Variants in GAP43 observed in about 807,000 individuals in gnomAD.
The protein encoded by GAP43 is neuromodulin.
In GAP43, 6 loss-of-function variants were observed where a neutral mutation model predicts 18.6. That is an observed-to-expected ratio of 0.32 (90% CI 0.18 to 0.64). The LOEUF (loss-of-function observed/expected upper bound fraction) is 0.64. Ranked by LOEUF, GAP43 falls within the 30% of genes least tolerant of loss-of-function variation. GAP43 has a pLI of 0.78. For synonymous variants in GAP43, 115 were observed against 111.4 expected (o/e 1.03, Z -0.20); for missense variants, 292 against 295.5 (o/e 0.99, Z 0.09).
intron 1 of GAP43, among the ~76,000 whole-genome samples, chr3:115,638,917 A>G (rs1246971090): frequency 6.6e-6 from 1 of 152,092 alleles, no homozygotes; most frequent in African/African-American, 2.4e-5. Context: ...AGACTTTATT[A>G]TACGTATTCA....
intron 2 of GAP43, among the ~76,000 whole-genome samples, chr3:115,698,241 A>G (rs1576998708): frequency 4.9e-5 from 1 of 20,394 alleles, no homozygotes; most frequent in South Asian, 1.3e-3. Context: ...TATATAAAAT[A>G]TATATAATAT....
intron 1 of GAP43, among the ~76,000 whole-genome samples, chr3:115,669,785 C>T (rs1708788757): frequency 6.6e-6 from 1 of 151,898 alleles, no homozygotes; most frequent in Non-Finnish European, 1.5e-5. Context: ...CAGCTCTTAT[C>T]TGAAAAGTTA....
chr3:115,683,293 A>G (rs1708988079), intron 2 of GAP43, among the ~76,000 whole-genome samples: 1 of 151,930 alleles, frequency 6.6e-6, no homozygotes, highest in African/African-American at 2.4e-5. Flanking sequence ...TTTCTTAACT[A>G]TTAGATAATG....
At chr3:115,688,186 T>A (rs1709059513) in intron 2 of GAP43, among the ~76,000 whole-genome samples, 1 of 151,934 alleles carries the variant, frequency 6.6e-6, no homozygotes. Context: ...CCAGCTAATT[T>A]TTTGGATTTT....
At chr3:115,625,266 A>G (rs989387769) in intron 1 of GAP43, among the ~76,000 whole-genome samples, 11 of 150,316 alleles carry the variant, frequency 7.3e-5, no homozygotes, top group East Asian at 2.0e-4. Flanking sequence ...TATTTGGGGG[A>G]AAAAGTCGGA....
rs1190799851 is a variant in GAP43, at chr3:115,692,957, C to T, written c.628+16347C>T. ...ATTTAGGATTAACTTCAAAATAGGACCCAATCACAATAGTTGTTCCTATTG... is the reference window on the plus strand; with the variant it reads ...ATTTAGGATTAACTTCAAAATAGGATCCAATCACAATAGTTGTTCCTATTG... On this transcript the variant is annotated intron_variant, in intron 2 of 2. Transcript: ENST00000305124. Among the ~76,000 whole-genome samples, 2 of 152,142 alleles carry T rather than the reference C, an allele frequency of 1.3e-5. 1 individual carries two copies. Among genetic ancestry groups the T allele is most frequent in the Non-Finnish European group, 2.9e-5 (2 of 68,026 alleles).
At chr3:115,663,933 TG>T in intron 1 of GAP43, 1 of 1,551,682 alleles carries the variant, frequency 6.4e-7, no homozygotes, top group Non-Finnish European at 8.7e-7. Flanking sequence ...TTACCTCACA[TG>T]TAACCTATAC....
chr3:115,643,260 T>C (rs2107471463), intron 1 of GAP43, among the ~76,000 whole-genome samples: 1 of 152,244 alleles, frequency 6.6e-6, no homozygotes, highest in Admixed American at 6.5e-5. Flanking sequence ...TCCTCAGTGA[T>C]GGTGGTATCC....
At chr3:115,694,294 C>G (rs1452784245) in intron 2 of GAP43, among the ~76,000 whole-genome samples, 1 of 152,184 alleles carries the variant, frequency 6.6e-6, no homozygotes, top group Non-Finnish European at 1.5e-5. Context: ...GTCTATTGAG[C>G]TTCTATAATT....
At chr3:115,673,025 A>G (rs1002664478) in intron 1 of GAP43, among the ~76,000 whole-genome samples, 3 of 151,816 alleles carry the variant, frequency 2.0e-5, no homozygotes, top group African/African-American at 4.8e-5. Flanking sequence ...CTTGTTTTTC[A>G]TGGTTCTCCC....
At chr3:115,717,130 C>G (rs1709519009) in intron 2 of GAP43, among the ~76,000 whole-genome samples, 1 of 152,006 alleles carries the variant, frequency 6.6e-6, no homozygotes, top group African/African-American at 2.4e-5. Flanking sequence ...GCTGTCCAGT[C>G]ATTCCTTCAC....
chr3:115,667,545 A>G (rs1271741390), intron 1 of GAP43, among the ~76,000 whole-genome samples: 1 of 152,232 alleles, frequency 6.6e-6, no homozygotes, highest in African/African-American at 2.4e-5. Flanking sequence ...TGAGTATCCA[A>G]CAAAAGACAC....
At chr3:115,631,932 A>G (rs1708265197) in intron 1 of GAP43, among the ~76,000 whole-genome samples, 1 of 152,020 alleles carries the variant, frequency 6.6e-6, no homozygotes, top group Non-Finnish European at 1.5e-5. Flanking sequence ...GTAAATATTA[A>G]CCATGCTAAT....
intron 2 of GAP43, among the ~76,000 whole-genome samples, chr3:115,709,733 A>G (rs563092432): frequency 2.6e-5 from 4 of 152,250 alleles, no homozygotes; most frequent in East Asian, 3.9e-4. Context: ...CTAATATGAA[A>G]AAAGGTTATT....
At chr3:115,667,395 G>A (rs544213033) in intron 1 of GAP43, among the ~76,000 whole-genome samples, 5 of 152,188 alleles carry the variant, frequency 3.3e-5, no homozygotes, top group Non-Finnish European at 5.9e-5. Flanking sequence ...TGAACAAAAT[G>A]TCTCAAGTAC....
Position 115,676,125 on chromosome 3 carries a change from G to A in GAP43, c.143G>A (p.Arg48Lys). 1.9e-6 allele frequency: 3 copies of A among 1,614,138 alleles called. No individual in the cohort carries two copies. ...GCTAGCTTCCGTGGACACATAACAA[G>A]GAAAAAGCTCAAAGGAGAGAAGAAG... Reference protein sequence around the residue: ...IQASFRGHITRKKLKGEKKDD... With the variant: ...IQASFRGHITKKKLKGEKKDD... Residue 48 changes from arginine to lysine, a missense_variant, in exon 2 of 3, where the codon AGG becomes AAG. Physicochemically the swap from Arg to Lys is conservative, Grantham distance 26. Coordinates refer to ENST00000305124, the MANE Select transcript of GAP43 (RefSeq NM_002045.4).
chr3:115,675,964 A>C, intron 1 of GAP43, 49 bp from the exon 2 acceptor site: 1 of 1,543,154 alleles, frequency 6.5e-7, no homozygotes, highest in Non-Finnish European at 8.7e-7. Context: ...GATTTAAAGG[A>C]GAAGAATGTC....
intron 2 of GAP43, among the ~76,000 whole-genome samples, chr3:115,717,077 C>T (rs1216047741): frequency 6.6e-6 from 1 of 151,874 alleles, no homozygotes; most frequent in Non-Finnish European, 1.5e-5. Flanking sequence ...AGGGAAAGTT[C>T]CTTTATGCAC....
At chr3:115,716,732 AT>A (rs1709509611) in intron 2 of GAP43, among the ~76,000 whole-genome samples, 1 of 94,750 alleles carries the variant, frequency 1.1e-5, no homozygotes, top group Non-Finnish European at 2.0e-5. Context: ...ATATATATAT[AT>A]ATATATATAT....
Sources: allele counts gnomAD v4.1 joint callset (sites outside exome capture counted in the v4.1 genomes callset), GRCh38; gene constraint gnomAD v4.1.1; transcripts MANE v1.5; gene names NCBI Gene and HGNC (gene_info 2026-07-23, HGNC 2026-07-21).